The following KIRREL3 variants were observed in gnomAD, a reference collection of about 807,000 sequenced individuals.
The protein encoded by KIRREL3 is kin of IRRE-like protein 3.
A neutral mutation model predicts 89.7 loss-of-function variants in KIRREL3; 36 were observed. The ratio of observed to expected loss-of-function variants is 0.40; its 90% CI spans 0.31 to 0.53. The LOEUF (loss-of-function observed/expected upper bound fraction) is 0.53, where lower values mean the gene tolerates loss of function less well. Among genes scored for constraint, KIRREL3 ranks in the 20% least tolerant of loss-of-function variants. The pLI, the probability that KIRREL3 is intolerant of heterozygous loss-of-function variation, is 0.49. For synonymous variants in KIRREL3, 445 were observed against 441.4 expected (o/e 1.01, Z -0.10); for missense variants, 864 against 1,056.6 (o/e 0.82, Z 2.53).
In KIRREL3 at chr11:126,492,767, A is replaced by C. The variant is rs1436030579; in HGVS notation, c.434-19301T>G. 6.6e-6 allele frequency among the ~76,000 whole-genome samples: 1 copy of C among 152,148 alleles called. No homozygotes were observed. Among genetic ancestry groups the C allele is most frequent in the African/African-American group, 2.4e-5 (1 of 41,448 alleles). ...GGGCTCTGAGCTGGACCGTGCAGGG[A>C]GGACTGGCTTCTTACCTGCCCCGAG... On this transcript the variant is annotated intron_variant, in intron 4 of 16. Coordinates refer to ENST00000525144, the MANE Select transcript of KIRREL3 (RefSeq NM_032531.4). The surrounding 1 kb of genome is among the most constrained non-coding windows in gnomAD (Gnocchi z 4.8).
chr11:126,980,906 G>T (rs1431252228), intron 1 of KIRREL3, among the ~76,000 whole-genome samples: 2 of 152,208 alleles, frequency 1.3e-5, no homozygotes. Context: ...TTAGCCACCA[G>T]AATGGGTGCT....
chr11:126,583,264 G>C (rs1016534670), intron 1 of KIRREL3, among the ~76,000 whole-genome samples: 3 of 152,148 alleles, frequency 2.0e-5, no homozygotes, highest in African/African-American at 7.2e-5. Flanking sequence ...ATATGCCCCC[G>C]CTCTAGGCCT....
chr11:126,988,166 G>GATTT (rs1197379787), intron 1 of KIRREL3, among the ~76,000 whole-genome samples: 6 of 152,058 alleles, frequency 3.9e-5, no homozygotes, highest in African/African-American at 9.7e-5. Flanking sequence ...AGCAGAATGG[G>GATTT]ATTTATTTAT....
At position 126,783,282 on chromosome 11, in the gene KIRREL3, C is replaced by T. The variant is rs1332487506; in HGVS notation, c.55+217173G>A. ...ATCTCTGCCTCTGTGGTGACATGGC[C>T]CTCTTCTCTCTGTGTGTCCCTCTTC... On this transcript the variant is annotated intron_variant, in intron 1 of 16. Coordinates refer to ENST00000525144, the MANE Select transcript of KIRREL3 (RefSeq NM_032531.4). The surrounding 1 kb of genome is among the most constrained non-coding windows in gnomAD (Gnocchi z 4.3). Among the ~76,000 whole-genome samples the T allele has an allele frequency of 2.6e-5, 4 of 152,020 alleles. No individual in the cohort carries two copies. The highest frequency in any genetic ancestry group is 9.7e-5 in the African/African-American group (4 of 41,380).
rs1942916374 is a variant in KIRREL3, at chr11:126,606,979, C to A, written c.56-44067G>T. Among the ~76,000 whole-genome samples the A allele has an allele frequency of 1.3e-5, 2 of 152,090 alleles. No individual in the cohort carries two copies. Among genetic ancestry groups the A allele is most frequent in the South Asian group, 4.1e-4 (2 of 4,820 alleles). ...CTGAAGTAAGCAGCTTTGGAACCTG[C>A]CTATCACATGGCCGGGTATTCCAGG... On this transcript the variant is annotated intron_variant, in intron 1 of 16. Coordinates refer to ENST00000525144, the MANE Select transcript of KIRREL3 (RefSeq NM_032531.4). The surrounding 1 kb of genome is among the most constrained non-coding windows in gnomAD (Gnocchi z 4.6).
chr11:126,854,886 T>C (rs1944459453), intron 1 of KIRREL3, among the ~76,000 whole-genome samples: 1 of 152,200 alleles, frequency 6.6e-6, no homozygotes, highest in Non-Finnish European at 1.5e-5. Flanking sequence ...CATTTCAATC[T>C]CTTTCTCTCT....
At chr11:126,902,307 C>T (rs978253524) in intron 1 of KIRREL3, among the ~76,000 whole-genome samples, 2 of 152,162 alleles carry the variant, frequency 1.3e-5, no homozygotes, top group Non-Finnish European at 2.9e-5. Flanking sequence ...CACACACTTT[C>T]GTGTCTTTGT....
rs1943540238 is a variant in KIRREL3 at position 126,620,682 on chromosome 11, C to T, written c.56-57770G>A. Among the ~76,000 whole-genome samples the T allele has an allele frequency of 1.3e-5, 2 of 152,188 alleles. No homozygotes were observed. Among genetic ancestry groups the T allele is most frequent in the Non-Finnish European group, 2.9e-5 (2 of 68,044 alleles). On this transcript the variant is annotated intron_variant, in intron 1 of 16. Transcript: ENST00000525144. The surrounding 1 kb of genome is among the most constrained non-coding windows in gnomAD (Gnocchi z 4.8). Reference sequence around the variant, plus strand: ...TGTTACAATTAGTTCCTTCCTGGTCCCACATTCATTCCCTTGCTGCCTTCT... The same window carrying T: ...TGTTACAATTAGTTCCTTCCTGGTCTCACATTCATTCCCTTGCTGCCTTCT...
Position 126,475,591 on chromosome 11 carries a change from CAG to C in KIRREL3, c.434-2127_434-2126del, listed in dbSNP as rs1957041424. On this transcript the variant is annotated intron_variant, in intron 4 of 16. Coordinates refer to ENST00000525144, the MANE Select transcript of KIRREL3 (RefSeq NM_032531.4). The surrounding 1 kb of genome is among the most constrained non-coding windows in gnomAD (Gnocchi z 7.5). ...CTCCACCGAGATCCTGGCTCAGGAA[CAG>C]AGTCTGCCTCAGGCAACCCTGCCTG... is the stretch of plus-strand genomic sequence containing the variant. 6.6e-6 allele frequency among the ~76,000 whole-genome samples: 1 copy of C among 152,196 alleles called. No individual in the cohort carries two copies. The highest frequency in any genetic ancestry group is 6.5e-5 in the Admixed American group (1 of 15,292).
rs1335075912 is a variant in KIRREL3, at chr11:126,844,075, C to T, written c.55+156380G>A. ...GACTCGCCCTGAATTCTTTCTTGTACGAGATCCAAGAACCCTCTTTTGGAG... is the reference window on the plus strand; with the variant it reads ...GACTCGCCCTGAATTCTTTCTTGTATGAGATCCAAGAACCCTCTTTTGGAG... On this transcript the variant is annotated intron_variant, in intron 1 of 16. Coordinates refer to ENST00000525144, the MANE Select transcript of KIRREL3 (RefSeq NM_032531.4). This position sits in a 1 kb window ranked among gnomAD's most constrained non-coding sequence, Gnocchi z 4.8. 3.3e-5 allele frequency among the ~76,000 whole-genome samples: 5 copies of T among 152,136 alleles called. No individual in the cohort carries two copies. Among genetic ancestry groups the T allele is most frequent in the Admixed American group, 6.5e-5 (1 of 15,284 alleles).
At chr11:126,730,546 G>A (rs533746030) in intron 1 of KIRREL3, among the ~76,000 whole-genome samples, 1 of 152,130 alleles carries the variant, frequency 6.6e-6, no homozygotes, top group Non-Finnish European at 1.5e-5. Flanking sequence ...CCACCTAGGG[G>A]ACATTTGGCA....
chr11:126,894,034 C>T (rs746536579), intron 1 of KIRREL3, among the ~76,000 whole-genome samples: 4 of 152,208 alleles, frequency 2.6e-5, no homozygotes, highest in Non-Finnish European at 5.9e-5. Flanking sequence ...TCAGCAGGCT[C>T]TCCCCCAGTG....
chr11:126,957,988 A>G (rs916737488), intron 1 of KIRREL3, among the ~76,000 whole-genome samples: 9 of 152,242 alleles, frequency 5.9e-5, no homozygotes, highest in South Asian at 4.1e-4. Flanking sequence ...TCAAGGCACA[A>G]TGAAAAATGG....
chr11:126,921,580 TTCTA>T (rs201891981), intron 1 of KIRREL3, among the ~76,000 whole-genome samples: 5,815 of 32,350 alleles, frequency 0.18, 520 homozygotes, highest in Middle Eastern at 0.25. Context: ...TATATCTGTC[TTCTA>T]TCTATCTATC....
rs1418258249 is a variant in KIRREL3 at position 126,429,173 on chromosome 11, T to C, written c.1806+6A>G. The C allele has an allele frequency of 6.3e-7, 1 of 1,585,942 alleles. No individual in the cohort carries two copies. Among genetic ancestry groups the C allele is most frequent in the South Asian group, 1.1e-5 (1 of 90,370 alleles). On this transcript the variant is annotated splice_donor_region_variant and intron_variant, in intron 15 of 16. Transcript: ENST00000525144. The surrounding 1 kb of genome is among the most constrained non-coding windows in gnomAD (Gnocchi z 5.2). ...GGGATGGGATGGGGCGTAATTGCAT[T>C]CTTACCATCAGCTGCTTGATGGTGG...
At chr11:126,929,956 C>A (rs997358737) in intron 1 of KIRREL3, among the ~76,000 whole-genome samples, 74 of 152,166 alleles carry the variant, frequency 4.9e-4, no homozygotes, top group Non-Finnish European at 7.9e-4. Context: ...CCACCCCCCC[C>A]CCCCCACCTC....
At position 126,605,683 on chromosome 11, in the gene KIRREL3, C is replaced by T. The variant is rs1049698891; in HGVS notation, c.56-42771G>A. ...AAATACATTGCCATTCTTGGCCACA[C>T]ATATCCGTCATGCTGGGCCTGGAGC... On this transcript the variant is annotated intron_variant, in intron 1 of 16. Coordinates refer to ENST00000525144, the MANE Select transcript of KIRREL3 (RefSeq NM_032531.4). The surrounding 1 kb of genome is among the most constrained non-coding windows in gnomAD (Gnocchi z 5.7). Among the ~76,000 whole-genome samples the T allele has an allele frequency of 2.6e-5, 4 of 152,230 alleles. No homozygotes were observed. Among genetic ancestry groups the T allele is most frequent in the African/African-American group, 9.6e-5 (4 of 41,452 alleles).
rs1180190653 is a variant in KIRREL3 at position 126,423,475 on chromosome 11, A to G, written c.*1105T>C. 6.6e-6 allele frequency: 1 copy of G among 152,216 alleles called. No individual in the cohort carries two copies. The highest frequency in any genetic ancestry group is 1.5e-5 in the Non-Finnish European group (1 of 68,026). The allele number at this position is 152,216 out of a possible 1,614,324, so 9.4% of individuals were successfully genotyped here. On this transcript the variant is annotated 3_prime_UTR_variant, in exon 17 of 17. Transcript: ENST00000525144. ...GTTCTTCCTGTGGCTTTGTAGGAACAAAAGAACAGAACAAACATGTTGGAG... is the reference window on the plus strand; with the variant it reads ...GTTCTTCCTGTGGCTTTGTAGGAACGAAAGAACAGAACAAACATGTTGGAG...
Position 126,651,202 on chromosome 11 carries a change from G to A in KIRREL3, c.56-88290C>T, listed in dbSNP as rs929201552. The stretch of plus-strand genomic sequence containing the variant: ...GCAATCCACGTCTAAATGAGAAAAT[G>A]GTTCCTTGCTATAGGATTTCTCAGC... On this transcript the variant is annotated intron_variant, in intron 1 of 16. Transcript: ENST00000525144. The surrounding 1 kb of genome is among the most constrained non-coding windows in gnomAD (Gnocchi z 4.6). Among the ~76,000 whole-genome samples, 1 of 152,290 alleles carries A rather than the reference G, an allele frequency of 6.6e-6. No individual in the cohort carries two copies. Among genetic ancestry groups the A allele is most frequent in the East Asian group, 1.9e-4 (1 of 5,188 alleles).
Sources: allele counts gnomAD v4.1 joint callset (sites outside exome capture counted in the v4.1 genomes callset), GRCh38; gene constraint gnomAD v4.1.1; non-coding constraint Gnocchi (gnomAD v3.1); transcripts MANE v1.5; gene names NCBI Gene and HGNC (gene_info 2026-07-23, HGNC 2026-07-21).